The following SGCZ variants were observed in gnomAD, a reference collection of about 807,000 sequenced individuals.
SGCZ encodes the protein zeta-sarcoglycan.
SGCZ carries 40 observed loss-of-function variants against 41.3 expected under a neutral mutation model. That is an observed-to-expected ratio of 0.97 (90% confidence interval 0.75 to 1.26). The LOEUF (loss-of-function observed/expected upper bound fraction) is 1.26. Among genes scored for constraint, SGCZ ranks in the 50% most tolerant of loss-of-function variants. The pLI is 0.00. For missense variants in SGCZ, 552 were observed against 369.8 expected, an observed-to-expected ratio of 1.49 and a Z score of -4.04; for synonymous variants, 206 against 137.5, an observed-to-expected ratio of 1.50 and a Z score of -3.49.
chr8:15,147,224 C>T (rs1414106628), intron 1 of SGCZ, among the ~76,000 whole-genome samples: 1 of 152,120 alleles, frequency 6.6e-6, no homozygotes, highest in Non-Finnish European at 1.5e-5. Flanking sequence ...TTCTATCATC[C>T]TCACTCCCCA....
intron 1 of SGCZ, among the ~76,000 whole-genome samples, chr8:14,832,653 G>C (rs907902498): frequency 1.3e-5 from 2 of 152,066 alleles, no homozygotes; most frequent in African/African-American, 4.8e-5. Context: ...CTGCAGTTCT[G>C]GTAATGTTCT....
At chr8:14,623,016 T>C (rs1806334995) in intron 1 of SGCZ, among the ~76,000 whole-genome samples, 1 of 152,160 alleles carries the variant, frequency 6.6e-6, no homozygotes, top group Admixed American at 6.6e-5. Context: ...GTCCTGGCTT[T>C]TCTGATACCT....
intron 1 of SGCZ, among the ~76,000 whole-genome samples, chr8:15,132,751 C>T (rs1039380875): frequency 1.3e-5 from 2 of 152,126 alleles, no homozygotes; most frequent in Admixed American, 6.5e-5. Flanking sequence ...TGTGTTTACA[C>T]CATGGCAGTC....
chr8:14,554,964 A>G (rs1454719939), intron 1 of SGCZ, 38 bp from the exon 2 acceptor site: 3 of 1,495,664 alleles, frequency 2.0e-6, no homozygotes, highest in Middle Eastern at 1.8e-4. Context: ...AAGAAGGAAA[A>G]AAAAAGAAGC....
chr8:15,028,247 T>C (rs1328581662), intron 1 of SGCZ, among the ~76,000 whole-genome samples: 1 of 152,176 alleles, frequency 6.6e-6, no homozygotes, highest in Non-Finnish European at 1.5e-5. Flanking sequence ...ATCTTCAGAC[T>C]ATAGCAATTC....
chr8:14,859,502 G>C (rs1347023471), intron 1 of SGCZ, among the ~76,000 whole-genome samples: 1 of 152,090 alleles, frequency 6.6e-6, no homozygotes, highest in African/African-American at 2.4e-5. Flanking sequence ...TTCTTTGGAA[G>C]ACTACACTCC....
chr8:15,107,967 C>A (rs892542953), intron 1 of SGCZ, among the ~76,000 whole-genome samples: 8 of 152,140 alleles, frequency 5.3e-5, no homozygotes, highest in Admixed American at 2.0e-4. Context: ...ATTCACCCTA[C>A]AGTTGTAGTT....
intron 1 of SGCZ, among the ~76,000 whole-genome samples, chr8:14,736,493 C>A (rs532149517): frequency 2.3e-4 from 35 of 151,976 alleles, no homozygotes; most frequent in Middle Eastern, 3.4e-3. Context: ...TTTATTTTCC[C>A]ATAAGTTTTG....
chr8:14,159,917 AAGAC>A (rs1453451124), intron 5 of SGCZ, among the ~76,000 whole-genome samples: 3 of 152,158 alleles, frequency 2.0e-5, no homozygotes, highest in Non-Finnish European at 4.4e-5. Context: ...TTTAATTTAA[AAGAC>A]AGCTCTTCAG....
chr8:14,772,997 T>C (rs536985975), intron 1 of SGCZ, among the ~76,000 whole-genome samples: 26 of 152,234 alleles, frequency 1.7e-4, no homozygotes, highest in South Asian at 6.2e-4. Context: ...CCTGAGAAAT[T>C]GCCACACTGA....
At chr8:14,130,164 A>G (rs1440710203) in intron 5 of SGCZ, among the ~76,000 whole-genome samples, 1 of 152,226 alleles carries the variant, frequency 6.6e-6, no homozygotes, top group African/African-American at 2.4e-5. Flanking sequence ...GAAATTAAAA[A>G]GAAACTCACA....
chr8:14,141,792 T>G (rs975824087), intron 5 of SGCZ, among the ~76,000 whole-genome samples: 2 of 152,144 alleles, frequency 1.3e-5, no homozygotes, highest in Admixed American at 6.6e-5. Context: ...GAAAAACCAT[T>G]TGACCCAGCC....
At chr8:15,142,000 T>C (rs778901277) in intron 1 of SGCZ, among the ~76,000 whole-genome samples, 5 of 152,160 alleles carry the variant, frequency 3.3e-5, no homozygotes, top group Non-Finnish European at 7.3e-5. Context: ...AGGCACCGGC[T>C]GCATCAAGAA....
chr8:14,787,621 C>T (rs1003997895), intron 1 of SGCZ, among the ~76,000 whole-genome samples: 17 of 151,966 alleles, frequency 1.1e-4, no homozygotes, highest in East Asian at 9.7e-4. Flanking sequence ...CCAAAGTGGG[C>T]GGATCACCTG....
At chr8:14,269,615 G>A (rs942242813) in intron 3 of SGCZ, among the ~76,000 whole-genome samples, 1 of 152,076 alleles carries the variant, frequency 6.6e-6, no homozygotes, top group African/African-American at 2.4e-5. Flanking sequence ...TTGCCTTTGG[G>A]TCATTGATCT....
At chr8:14,387,906 GGATAGAAGA>G (rs993331659) in intron 2 of SGCZ, among the ~76,000 whole-genome samples, 8 of 151,928 alleles carry the variant, frequency 5.3e-5, no homozygotes, top group African/African-American at 1.9e-4. Flanking sequence ...GAGATAATGA[GGATAGAAGA>G]GAGAGAAGTG....
At chr8:14,319,585 T>A (rs1026660522) in intron 3 of SGCZ, 30 of 150,960 alleles carry the variant, frequency 2.0e-4, no homozygotes, top group Non-Finnish European at 3.7e-4. Context: ...AGGGAAGGAA[T>A]GATTGGACTA....
chr8:14,295,853 G>A (rs1179000307), intron 3 of SGCZ, among the ~76,000 whole-genome samples: 1 of 152,120 alleles, frequency 6.6e-6, no homozygotes, highest in Non-Finnish European at 1.5e-5. Flanking sequence ...CTGCACAGGA[G>A]GGAACTGCAC....
chr8:15,015,726 CGTGTGTGTGTGTGTGTGTGT>C (rs60624490), intron 1 of SGCZ, among the ~76,000 whole-genome samples: 14 of 125,174 alleles, frequency 1.1e-4, no homozygotes, highest in South Asian at 3.0e-4. Context: ...GAAATATACA[CGTGTGTGTGTGTGTGTGTGT>C]GTGTGTGTGT....
Sources: allele counts gnomAD v4.1 joint callset (sites outside exome capture counted in the v4.1 genomes callset), GRCh38; gene constraint gnomAD v4.1.1; transcripts MANE v1.5; gene names NCBI Gene and HGNC (gene_info 2026-07-23, HGNC 2026-07-21).